The following FCHO2 variants were observed in gnomAD, a reference collection of about 807,000 sequenced individuals.
The protein encoded by FCHO2 is FCH and mu domain containing endocytic adaptor 2.
Under a neutral mutation model 114.1 loss-of-function variants are expected in FCHO2, and 43 were observed. The observed-to-expected ratio is 0.38, with a 90% CI of 0.30 to 0.49. The LOEUF (loss-of-function observed/expected upper bound fraction) is 0.49, where lower values mean the gene tolerates loss of function less well. Ranked by LOEUF, FCHO2 falls within the 20% of genes least tolerant of loss-of-function variation. FCHO2 has a pLI of 0.97. For missense variants in FCHO2, 807 were observed against 950.4 expected (o/e 0.85, Z 1.98); for synonymous variants, 293 against 315.2 (o/e 0.93, Z 0.75).
chr5:72,984,887 C>T (rs913440022), intron 2 of FCHO2, among the ~76,000 whole-genome samples: 7 of 152,112 alleles, frequency 4.6e-5, no homozygotes, highest in African/African-American at 7.2e-5. Flanking sequence ...CCTTCTGCCT[C>T]GGCCTCCCAA....
intron 2 of FCHO2, among the ~76,000 whole-genome samples, chr5:72,983,889 G>A (rs1242281295): frequency 3.3e-5 from 5 of 151,134 alleles, no homozygotes; most frequent in Non-Finnish European, 7.4e-5. Context: ...CATTTATATT[G>A]GGTATATACT....
intron 11 of FCHO2, among the ~76,000 whole-genome samples, chr5:73,042,769 A>G (rs1276261331): frequency 6.6e-6 from 1 of 152,218 alleles, no homozygotes; most frequent in Non-Finnish European, 1.5e-5. Context: ...GGTGCCTAGT[A>G]GGAAAAGGGC....
chr5:73,004,763 A>G (rs766781769), intron 5 of FCHO2, among the ~76,000 whole-genome samples: 4 of 152,206 alleles, frequency 2.6e-5, no homozygotes, highest in Non-Finnish European at 5.9e-5. Flanking sequence ...ACTGTCCAGT[A>G]CAGTAGAATA....
At chr5:73,078,427 T>C (rs1742987516) in intron 22 of FCHO2, 115 bp downstream of exon 22, 1 of 991,578 alleles carries the variant, frequency 1.0e-6, no homozygotes, top group Admixed American at 3.1e-5. Flanking sequence ...AATTCAAGGA[T>C]GTTTTGAAAT....
chr5:73,055,919 T>G (rs1757571047), intron 15 of FCHO2, 146 bp from the exon 16 acceptor site: 2 of 555,686 alleles, frequency 3.6e-6, no homozygotes, highest in Non-Finnish European at 3.1e-6. Flanking sequence ...ATAGAAAACT[T>G]GTTAAAATAT....
chr5:73,017,144 G>GT (rs1232769548), intron 7 of FCHO2, 68 bp from the exon 8 acceptor site: 13 of 908,824 alleles, frequency 1.4e-5, no homozygotes, highest in Non-Finnish European at 1.8e-5. Context: ...ATTGTCTTGT[G>GT]TAAGTTTTAT....
Position 72,972,842 on chromosome 5 carries a change from C to T in FCHO2, c.125+4253C>T, listed in dbSNP as rs531138476. Among the ~76,000 whole-genome samples, 254 of 152,226 alleles carry T rather than the reference C, an allele frequency of 1.7e-3. 4 individuals carry two copies. In the East Asian group the frequency reaches 0.042, roughly 25 times the overall value. ...AGTATGATATTGGCTGTGGGTTTGT[C>T]ATAGATAGCTCTTATTATTTTGAAA... On this transcript the variant is annotated intron_variant, in intron 2 of 25. Coordinates refer to ENST00000430046, the MANE Select transcript of FCHO2 (RefSeq NM_138782.3).
At chr5:73,015,778 G>C in intron 7 of FCHO2, 54 bp downstream of exon 7, 2 of 1,090,120 alleles carry the variant, frequency 1.8e-6, no homozygotes, top group Non-Finnish European at 2.6e-6. Context: ...TTTATTTATA[G>C]CTCTTTAAAA....
intron 24 of FCHO2, among the ~76,000 whole-genome samples, chr5:73,085,777 AAAATAAATAAAT>A (rs144379859): frequency 0.16 from 21,797 of 140,010 alleles, 2,065 homozygotes; most frequent in East Asian, 0.34. Context: ...TCTGTCTCAA[AAAATAAATAAAT>A]AAATAAATAA....
intron 5 of FCHO2, among the ~76,000 whole-genome samples, chr5:73,005,621 G>A (rs1244708018): frequency 6.6e-6 from 1 of 152,044 alleles, no homozygotes; most frequent in Non-Finnish European, 1.5e-5. Context: ...TCAGGCCTTT[G>A]AGAATATCAA....
chr5:73,025,958 A>T (rs945021386), intron 8 of FCHO2, among the ~76,000 whole-genome samples: 7 of 152,170 alleles, frequency 4.6e-5, no homozygotes, highest in Admixed American at 2.0e-4. Flanking sequence ...GTTCTGTGGG[A>T]TAGAGATCTT....
chr5:73,084,233 TC>T (rs1743217096), intron 24 of FCHO2, among the ~76,000 whole-genome samples: 1 of 152,076 alleles, frequency 6.6e-6, no homozygotes. Flanking sequence ...CAATAACTTT[TC>T]TGCTTGTTTT....
chr5:73,063,670 A>G (rs1757943708), intron 17 of FCHO2, among the ~76,000 whole-genome samples, 171 bp from the exon 18 acceptor site: 1 of 152,096 alleles, frequency 6.6e-6, no homozygotes, highest in Non-Finnish European at 1.5e-5. Context: ...TTCAAAATAA[A>G]GCATATTTGA....
intron 5 of FCHO2, among the ~76,000 whole-genome samples, chr5:73,000,779 T>TAA (rs34783842): frequency 6.0e-5 from 9 of 150,214 alleles, no homozygotes; most frequent in Non-Finnish European, 4.4e-5. Context: ...CTGTCTCAAT[T>TAA]AAAAAAAAAA....
intron 24 of FCHO2, among the ~76,000 whole-genome samples, chr5:73,085,457 G>A (rs768176042): frequency 6.6e-6 from 1 of 152,066 alleles, no homozygotes; most frequent in Non-Finnish European, 1.5e-5. Context: ...TGTGGTTTTT[G>A]ATGTGGTTAG....
intron 24 of FCHO2, among the ~76,000 whole-genome samples, chr5:73,086,113 G>A (rs1329810456): frequency 6.6e-6 from 1 of 150,948 alleles, no homozygotes; most frequent in Non-Finnish European, 1.5e-5. Context: ...CAGAGTGAGA[G>A]ACTCTGTCTC....
intron 11 of FCHO2, among the ~76,000 whole-genome samples, chr5:73,046,109 G>T (rs1757041163): frequency 6.6e-6 from 1 of 152,166 alleles, no homozygotes; most frequent in Non-Finnish European, 1.5e-5. Context: ...CTGTGGCCCA[G>T]GCTGGAGTGC....
chr5:73,021,190 A>G, intron 8 of FCHO2: 1 of 765,756 alleles, frequency 1.3e-6, no homozygotes, highest in Non-Finnish European at 2.4e-6. Flanking sequence ...AACCGGCTGT[A>G]GAGCAAGTGA....
intron 2 of FCHO2, among the ~76,000 whole-genome samples, chr5:72,970,539 G>T (rs1752467896): frequency 6.7e-6 from 1 of 150,072 alleles, no homozygotes; most frequent in African/African-American, 2.4e-5. Flanking sequence ...TCAATAAGTT[G>T]GTTAAAATAT....
Sources: gnomAD v4.1 joint callset for allele counts (sites outside exome capture counted in the v4.1 genomes callset) on GRCh38, gnomAD v4.1.1 for gene constraint, MANE v1.5 for transcripts, NCBI Gene and HGNC (gene_info 2026-07-23, HGNC 2026-07-21) for gene names.